The following SHCBP1L variants were observed in gnomAD, a reference collection of about 807,000 sequenced individuals.
SHCBP1L encodes testicular spindle-associated protein SHCBP1L.
SHCBP1L carries 67 observed loss-of-function variants against 62.5 expected under a neutral mutation model. That is an observed-to-expected ratio of 1.07 (90% confidence interval 0.88 to 1.31). The LOEUF (loss-of-function observed/expected upper bound fraction) is 1.31, where lower values mean the gene tolerates loss of function less well. SHCBP1L is among the 40% of genes most tolerant of loss of function. SHCBP1L has a pLI of 0.00. For synonymous variants in SHCBP1L, 284 were observed against 289.4 expected (o/e 0.98, Z 0.19); for missense variants, 823 against 809.8 (o/e 1.02, Z -0.20).
In SHCBP1L at chr1:182,952,957, C is replaced by G. The variant is rs746812130; in HGVS notation, c.177G>C (p.Gly59=). 9.0e-6 allele frequency: 14 copies of G among 1,547,690 alleles called. No individual in the cohort carries two copies. Among genetic ancestry groups the G allele is most frequent in the Non-Finnish European group, 1.2e-5 (14 of 1,148,934 alleles). Reference sequence around the variant, plus strand: ...GCCTGGCCGTCTCCCGGCCCGCTTTCCCCTTCACCGGGCGAGGGGAGGCCA... The same window carrying G: ...GCCTGGCCGTCTCCCGGCCCGCTTTGCCCTTCACCGGGCGAGGGGAGGCCA... The part of the protein sequence containing the change: ...SVVASPRPVK[G]KAGRETARLR... Residue 59 remains glycine (G), a synonymous_variant, in exon 1 of 10, where the codon GGG becomes GGC. Coordinates refer to ENST00000367547, the MANE Select transcript of SHCBP1L (RefSeq NM_030933.4).
At chr1:182,930,701 G>A (rs373988199) in intron 5 of SHCBP1L, among the ~76,000 whole-genome samples, 3,634 of 38,378 alleles carry the variant, frequency 0.095, 390 homozygotes, top group Middle Eastern at 0.25. Flanking sequence ...GTGTGTGTGT[G>A]TGTATATATA....
chr1:182,938,146 T>C (rs1425051920), intron 5 of SHCBP1L, among the ~76,000 whole-genome samples: 1 of 152,192 alleles, frequency 6.6e-6, no homozygotes, highest in African/African-American at 2.4e-5. Flanking sequence ...TCGCTCTTGT[T>C]GCCCAGGCTG....
chr1:182,900,541 C>T (rs1335774596), intron 9 of SHCBP1L, among the ~76,000 whole-genome samples: 3 of 152,114 alleles, frequency 2.0e-5, no homozygotes, highest in Non-Finnish European at 4.4e-5. Flanking sequence ...AAGTGATTCT[C>T]CTGCCTCAGC....
chr1:182,930,710 T>TAC (rs1650965593), intron 5 of SHCBP1L, among the ~76,000 whole-genome samples: 1 of 110,280 alleles, frequency 9.1e-6, no homozygotes, highest in African/African-American at 3.5e-5. Context: ...TGTGTATATA[T>TAC]ATATATATAT....
chr1:182,930,551 GTATATATATATATATATATATATA>G lies in SHCBP1L; in HGVS notation c.1077-823_1077-800del, dbSNP rs10536791. On this transcript the variant is annotated intron_variant, in intron 5 of 9. Coordinates refer to ENST00000367547, the MANE Select transcript of SHCBP1L (RefSeq NM_030933.4). ...AAGAGGATGTGGCTTTAGTGTGTGT[GTATATATATATATATATATATATA>G]TATATATATATATATATATACACAT... Among the ~76,000 whole-genome samples, 177 of 49,468 alleles carry G rather than the reference GTATATATATATATATATATATATA, an allele frequency of 3.6e-3. 1 individual carries two copies. Among genetic ancestry groups the G allele is most frequent in the Admixed American group, 0.016 (65 of 4,096 alleles). 32.5% of individuals were successfully genotyped at this position (49,468 alleles called of 152,430 possible).
At position 182,951,457 on chromosome 1, in the gene SHCBP1L, G is replaced by A; in HGVS notation, c.416C>T (p.Ala139Val). The A allele has an allele frequency of 1.3e-6, 2 of 1,574,526 alleles. No homozygotes were observed. Among genetic ancestry groups the A allele is most frequent in the South Asian group, 1.2e-5 (1 of 81,214 alleles). ...EVLQDCKAED[A>V]DEVMGKYLSE... ...TAGGTATTTACCCATAACTTCATCAGCATCTTCTGCCTAACAAGAGAAAAA... is the reference window on the plus strand; with the variant it reads ...TAGGTATTTACCCATAACTTCATCAACATCTTCTGCCTAACAAGAGAAAAA... Residue 139 changes from alanine to valine, a missense_variant, in exon 2 of 10, where the codon GCT becomes GTT. By Grantham distance (64) the Ala-to-Val change is moderately conservative. Coordinates refer to ENST00000367547, the MANE Select transcript of SHCBP1L (RefSeq NM_030933.4).
rs188196867 is a variant in SHCBP1L at position 182,952,932 on chromosome 1, G to C, written c.202C>G (p.Leu68Val). 9.3e-5 allele frequency: 144 copies of C among 1,556,310 alleles called. No homozygotes were observed. Among genetic ancestry groups the C allele is most frequent in the Non-Finnish European group, 1.2e-4 (140 of 1,152,286 alleles). The change falls in exon 1 of 10, where the codon CTG becomes GTG. Residue 68 changes from leucine to valine, a missense_variant. By Grantham distance (32) the Leu-to-Val change is conservative. Coordinates refer to ENST00000367547, the MANE Select transcript of SHCBP1L (RefSeq NM_030933.4). ...KGKAGRETAR[L>V]RLQRLPAAQA... Reference sequence around the variant, plus strand: ...GCCGCGGGCAGGCGCTGGAGCCGCAGCCTGGCCGTCTCCCGGCCCGCTTTC... The same window carrying C: ...GCCGCGGGCAGGCGCTGGAGCCGCACCCTGGCCGTCTCCCGGCCCGCTTTC...
At position 182,924,974 on chromosome 1, in the gene SHCBP1L, G is replaced by GA. The variant is rs772984933; in HGVS notation, c.1182+4672dup. Among the ~76,000 whole-genome samples, 359 of 109,514 alleles carry GA rather than the reference G, an allele frequency of 3.3e-3. 9 individuals carry two copies. The highest frequency in any genetic ancestry group is 0.013 in the African/African-American group (336 of 26,134). 71.8% of individuals were successfully genotyped at this position (109,514 alleles called of 152,430 possible). A position where few individuals can be genotyped will look rare whatever the true frequency, so the allele number is the denominator to read the frequency against. ...AGAAAGAAAGAAAGAAAGAAAGAAAGAAAAAAAAAGGAAGAAGGAAAGGAA... is the reference window on the plus strand; with the variant it reads ...AGAAAGAAAGAAAGAAAGAAAGAAAGAAAAAAAAAAGGAAGAAGGAAAGGAA... On this transcript the variant is annotated intron_variant, in intron 6 of 9. Transcript: ENST00000367547.
In SHCBP1L at chr1:182,904,224, C is replaced by A; in HGVS notation, c.1543G>T (p.Gly515Trp). Reference protein sequence around the residue: ...CEGTGVCVLTGAALTITDSEI... With the variant: ...CEGTGVCVLTWAALTITDSEI... ...CTGTCTGTAATTGTCAAAGCAGCCC[C>A]TGTAAGAACACACACTCCTGTTCCT... The change falls in exon 8 of 10, where the codon GGG becomes TGG. Residue 515 changes from glycine (G) to tryptophan (W), a missense_variant. Physicochemically the swap from Gly to Trp is radical, Grantham distance 184. Coordinates refer to ENST00000367547, the MANE Select transcript of SHCBP1L (RefSeq NM_030933.4). The A allele has an allele frequency of 6.2e-7, 1 of 1,614,132 alleles. No homozygotes were observed.
intron 2 of SHCBP1L, among the ~76,000 whole-genome samples, chr1:182,950,003 TAA>T (rs1392923370): frequency 6.6e-6 from 1 of 152,000 alleles, no homozygotes; most frequent in African/African-American, 2.4e-5. Context: ...GGCTGGTCTC[TAA>T]CTCCTGAGCT....
At chr1:182,906,233 G>A (rs1270551180) in intron 6 of SHCBP1L, among the ~76,000 whole-genome samples, 2 of 151,856 alleles carry the variant, frequency 1.3e-5, no homozygotes, top group Non-Finnish European at 2.9e-5. Flanking sequence ...ACCGTGCCCG[G>A]CAACGTAAGT....
chr1:182,950,157 A>G (rs2101961819), intron 2 of SHCBP1L, among the ~76,000 whole-genome samples: 1 of 152,348 alleles, frequency 6.6e-6, no homozygotes, highest in East Asian at 1.9e-4. Flanking sequence ...CAAGTAGTAT[A>G]TAATACAACA....
chr1:182,941,431 G>GT (rs2101953381), intron 2 of SHCBP1L, among the ~76,000 whole-genome samples: 1 of 151,984 alleles, frequency 6.6e-6, no homozygotes, highest in East Asian at 1.9e-4. Context: ...AGTTATTCCA[G>GT]TGACTTTCCA....
intron 5 of SHCBP1L, among the ~76,000 whole-genome samples, chr1:182,930,536 G>A (rs1484848691): frequency 1.6e-5 from 2 of 123,918 alleles, no homozygotes; most frequent in Non-Finnish European, 3.3e-5. Context: ...AAGAGGATGT[G>A]GCTTTAGTGT....
At chr1:182,924,701 GAAGAAAGAAAGAAAGA>G (rs199794601) in intron 6 of SHCBP1L, among the ~76,000 whole-genome samples, 370 of 33,234 alleles carry the variant, frequency 0.011, 11 homozygotes, top group South Asian at 0.023. Context: ...GAAAGGAAAG[GAAGAAAGAAAGAAAGA>G]AAGAAAGAAA....
chr1:182,952,971 G>T lies in SHCBP1L; in HGVS notation c.163C>A (p.Arg55Ser), dbSNP rs1172697013. ...CGGCCCGCTTTCCCCTTCACCGGGCGAGGGGAGGCCACCACCGACCGCACT... is the reference window on the plus strand; with the variant it reads ...CGGCCCGCTTTCCCCTTCACCGGGCTAGGGGAGGCCACCACCGACCGCACT... ...IPVRSVVASP[R>S]PVKGKAGRET... Residue 55 changes from arginine to serine, a missense_variant, in exon 1 of 10, where the codon CGC becomes AGC. Coordinates refer to ENST00000367547, the MANE Select transcript of SHCBP1L (RefSeq NM_030933.4). 1 of 1,544,268 alleles carries T rather than the reference G, an allele frequency of 6.5e-7. No homozygotes were observed. Among genetic ancestry groups the T allele is most frequent in the Non-Finnish European group, 8.7e-7 (1 of 1,147,832 alleles).
rs866082494 is a variant in SHCBP1L at position 182,952,156 on chromosome 1, C to A, written c.405+573G>T. On this transcript the variant is annotated intron_variant, in intron 1 of 9. Coordinates refer to ENST00000367547, the MANE Select transcript of SHCBP1L (RefSeq NM_030933.4). ...GGCAACAAGAATGAAACTCCGTCTC[C>A]AAAAAAAAAAAAAAAAAAAAAAAAA... Among the ~76,000 whole-genome samples, 108 of 12,682 alleles carry A rather than the reference C, an allele frequency of 8.5e-3. 2 individuals carry two copies. Among genetic ancestry groups the A allele is most frequent in the African/African-American group, 0.023 (103 of 4,460 alleles). 8.3% of individuals were successfully genotyped at this position (12,682 alleles called of 152,430 possible). A position where few individuals can be genotyped will look rare whatever the true frequency, so the allele number is the denominator to read the frequency against.
chr1:182,928,897 G>C (rs182528488), intron 6 of SHCBP1L, among the ~76,000 whole-genome samples: 1 of 152,132 alleles, frequency 6.6e-6, no homozygotes, highest in Non-Finnish European at 1.5e-5. Flanking sequence ...GTATATATAA[G>C]TGAAGTTATG....
intron 5 of SHCBP1L, among the ~76,000 whole-genome samples, chr1:182,930,351 T>C (rs999524851): frequency 1.3e-5 from 2 of 151,716 alleles, no homozygotes; most frequent in South Asian, 2.1e-4. Context: ...CGTATCTCTA[T>C]CATTTAAGTG....
Sources: allele counts gnomAD v4.1 joint callset (sites outside exome capture counted in the v4.1 genomes callset), GRCh38; gene constraint gnomAD v4.1.1; transcripts MANE v1.5; gene names NCBI Gene and HGNC (gene_info 2026-07-23, HGNC 2026-07-21).